The following BCAT1 variants were observed in gnomAD, a reference collection of about 807,000 sequenced individuals.
BCAT1 encodes the protein branched chain amino acid transaminase 1, also known as branched-chain-amino-acid aminotransferase, cytosolic.
BCAT1 carries 48 observed loss-of-function variants against 52.4 expected under a neutral mutation model. The ratio of observed to expected loss-of-function variants is 0.92; its 90% confidence interval spans 0.73 to 1.16. The LOEUF is 1.16. BCAT1 is among the 50% of genes most tolerant of loss of function. The pLI is 0.00. For synonymous variants in BCAT1, 167 were observed against 161.3 expected, an observed-to-expected ratio of 1.04 and a Z score of -0.27; for missense variants, 451 against 457.1, an observed-to-expected ratio of 0.99 and a Z score of 0.12.
chr12:24,928,211 C>T (rs1007453763), intron 1 of BCAT1, among the ~76,000 whole-genome samples: 13 of 152,238 alleles, frequency 8.5e-5, no homozygotes, highest in Admixed American at 7.9e-4. Flanking sequence ...TCACTCTCTT[C>T]TCATCGTTCT....
intron 3 of BCAT1, among the ~76,000 whole-genome samples, chr12:24,887,311 A>G (rs753396827): frequency 6.6e-6 from 1 of 151,814 alleles, no homozygotes; most frequent in Middle Eastern, 3.4e-3. Flanking sequence ...ATCTCTGTCT[A>G]TACTTAGGTC....
rs993497065 is a variant in BCAT1 at position 24,811,093 on chromosome 12, A to C, written c.*6915T>G. The C allele has an allele frequency of 6.6e-6, 1 of 152,198 alleles. No homozygotes were observed. Among genetic ancestry groups the C allele is most frequent in the African/African-American group, 2.4e-5 (1 of 41,450 alleles). The allele number at this position is 152,198 out of a possible 1,614,324, so 9.4% of individuals were successfully genotyped here. ...AAACGACAAAGCTAAGTTTTACTAC[A>C]GATAAATCCATAACCAGGGGAAGGA... On this transcript the variant is annotated 3_prime_UTR_variant, in exon 11 of 11. Coordinates refer to ENST00000261192, the MANE Select transcript of BCAT1 (RefSeq NM_005504.7).
intron 1 of BCAT1, among the ~76,000 whole-genome samples, chr12:24,919,940 C>A (rs1943478338): frequency 6.6e-6 from 1 of 152,174 alleles, no homozygotes; most frequent in African/African-American, 2.4e-5. Flanking sequence ...TAAGAAGTGC[C>A]TTTTGCCTTC....
intron 3 of BCAT1, among the ~76,000 whole-genome samples, chr12:24,889,437 T>A (rs922982006): frequency 2.0e-5 from 3 of 152,252 alleles, no homozygotes; most frequent in Non-Finnish European, 4.4e-5. Context: ...CAGTCCCCCA[T>A]GCTCTTCCAG....
intron 10 of BCAT1, among the ~76,000 whole-genome samples, chr12:24,826,970 T>G (rs1940428383): frequency 6.6e-6 from 1 of 152,194 alleles, no homozygotes; most frequent in South Asian, 2.1e-4. Flanking sequence ...TTCTACTGAT[T>G]TTTATATGTT....
chr12:24,852,363 A>G (rs1017185034), intron 5 of BCAT1, among the ~76,000 whole-genome samples: 27 of 152,364 alleles, frequency 1.8e-4, no homozygotes, highest in African/African-American at 6.3e-4. Flanking sequence ...CATCATCTCA[A>G]TAATTTACCT....
At position 24,813,677 on chromosome 12, in the gene BCAT1, A is replaced by C. The variant is rs1469091220; in HGVS notation, c.*4331T>G. 2 of 152,062 alleles carry C rather than the reference A, an allele frequency of 1.3e-5. No homozygotes were observed. Among genetic ancestry groups the C allele is most frequent in the African/African-American group, 4.8e-5 (2 of 41,442 alleles). The allele number at this position is 152,062 out of a possible 1,614,324, so 9.4% of individuals were successfully genotyped here. On this transcript the variant is annotated 3_prime_UTR_variant, in exon 11 of 11. Coordinates refer to ENST00000261192, the MANE Select transcript of BCAT1 (RefSeq NM_005504.7). ...ACACCAGATGAGGAATGGTGTGAAC[A>C]CTAACCTAAACACCAACCTTATTAA...
chr12:24,838,270 AAAAT>A (rs1941065761), intron 7 of BCAT1, among the ~76,000 whole-genome samples: 1 of 152,230 alleles, frequency 6.6e-6, no homozygotes, highest in Non-Finnish European at 1.5e-5. Context: ...TTTTGAGTAA[AAAAT>A]AAACGAATAA....
rs983644878 is a variant in BCAT1 at position 24,816,877 on chromosome 12, T to C, written c.*1131A>G. The stretch of plus-strand genomic sequence containing the variant: ...GAGTTCACAATAGGATTTGTGCTCC[T>C]ATGAGAATCTAATGCTGCCACTGAG... On this transcript the variant is annotated 3_prime_UTR_variant, in exon 11 of 11. Coordinates refer to ENST00000261192, the MANE Select transcript of BCAT1 (RefSeq NM_005504.7). 2 of 275,118 alleles carry C rather than the reference T, an allele frequency of 7.3e-6. No homozygotes were observed. Among genetic ancestry groups the C allele is most frequent in the African/African-American group, 2.2e-5 (1 of 46,208 alleles). The allele number at this position is 275,118 out of a possible 1,614,324, so 17.0% of individuals were successfully genotyped here.
At chr12:24,852,422 G>GCTATCA (rs146094391) in intron 5 of BCAT1, among the ~76,000 whole-genome samples, 30,836 of 152,002 alleles carry the variant, frequency 0.2, 3,156 homozygotes, top group Middle Eastern at 0.21. Context: ...CAAACTAATA[G>GCTATCA]CATTTTAATA....
chr12:24,861,376 T>G (rs1283365677), intron 5 of BCAT1, among the ~76,000 whole-genome samples: 1 of 152,262 alleles, frequency 6.6e-6, no homozygotes, highest in Non-Finnish European at 1.5e-5. Flanking sequence ...TATACTTATT[T>G]TGCTTTACTG....
chr12:24,865,269 A>G (rs1941973184), intron 5 of BCAT1, among the ~76,000 whole-genome samples: 1 of 152,194 alleles, frequency 6.6e-6, no homozygotes, highest in Non-Finnish European at 1.5e-5. Flanking sequence ...ACTCCAACAA[A>G]CAAACAAAAA....
At chr12:24,917,247 C>T (rs1943428802) in intron 1 of BCAT1, among the ~76,000 whole-genome samples, 1 of 138,318 alleles carries the variant, frequency 7.2e-6, no homozygotes, top group South Asian at 2.3e-4. Flanking sequence ...GGCGCGATCT[C>T]GGCTCACTGC....
At chr12:24,824,695 C>T (rs1748487240) in intron 10 of BCAT1, among the ~76,000 whole-genome samples, 1 of 152,068 alleles carries the variant, frequency 6.6e-6, no homozygotes, top group Admixed American at 6.6e-5. Flanking sequence ...TAAGAAAATA[C>T]TGTATAATTT....
intron 8 of BCAT1, among the ~76,000 whole-genome samples, chr12:24,836,003 T>G (rs1940907135): frequency 6.6e-6 from 1 of 152,200 alleles, no homozygotes. Context: ...ATATGAATTT[T>G]GGAGGATGGG....
At chr12:24,831,620 G>A (rs1301493557) in intron 9 of BCAT1, among the ~76,000 whole-genome samples, 1 of 152,154 alleles carries the variant, frequency 6.6e-6, no homozygotes, top group Non-Finnish European at 1.5e-5. Context: ...CTGCACTCCA[G>A]TACAGGTGAC....
At chr12:24,825,873 C>A (rs1294708837) in intron 10 of BCAT1, among the ~76,000 whole-genome samples, 1 of 152,096 alleles carries the variant, frequency 6.6e-6, no homozygotes, top group African/African-American at 2.4e-5. Flanking sequence ...ATCCCAATTG[C>A]CTATTTTTGC....
intron 1 of BCAT1, among the ~76,000 whole-genome samples, chr12:24,914,971 G>A (rs919117073): frequency 1.3e-5 from 2 of 152,140 alleles, no homozygotes; most frequent in African/African-American, 4.8e-5. Flanking sequence ...ATTTTCTTCT[G>A]AAATATAATT....
chr12:24,902,050 A>C, intron 1 of BCAT1, 165 bp from the exon 2 acceptor site: 1 of 1,541,848 alleles, frequency 6.5e-7, no homozygotes, highest in Non-Finnish European at 8.7e-7. Context: ...AACCTCCAAC[A>C]AGCGTGTCTT....
Sources: allele counts gnomAD v4.1 joint callset (sites outside exome capture counted in the v4.1 genomes callset), GRCh38; gene constraint gnomAD v4.1.1; transcripts MANE v1.5; gene names NCBI Gene and HGNC (gene_info 2026-07-23, HGNC 2026-07-21).